The following DHX34 variants were observed in gnomAD, a reference collection of about 807,000 sequenced individuals.
DHX34 encodes DExH-box helicase 34.
Under a neutral mutation model 111.1 loss-of-function variants are expected in DHX34, and 96 were observed. That is an observed-to-expected ratio of 0.86 (90% CI 0.73 to 1.02). The LOEUF is 1.02. Ranked by LOEUF, DHX34 falls within the 50% of genes least tolerant of loss-of-function variation. The pLI is 0.00. For missense variants in DHX34, 1,560 were observed against 1,579.9 expected (o/e 0.99, Z 0.21); for synonymous variants, 688 against 670.4 (o/e 1.03, Z -0.41).
chr19:47,375,829 C>T, intron 10 of DHX34, 95 bp from the exon 11 acceptor site: 1 of 1,543,834 alleles, frequency 6.5e-7, no homozygotes, highest in Non-Finnish European at 8.7e-7. Flanking sequence ...ATGGACGGTG[C>T]TTGGTCCCAG....
chr19:47,360,673 TTGTTG>T lies in DHX34; in HGVS notation c.1375+605_1375+609del, dbSNP rs1363899010. Among the ~76,000 whole-genome samples, 1,178 of 147,904 alleles carry T rather than the reference TTGTTG, an allele frequency of 8.0e-3. 22 individuals carry two copies. The highest frequency in any genetic ancestry group is 0.027 in the African/African-American group (1,113 of 40,570). On this transcript the variant is annotated intron_variant, in intron 5 of 16. Coordinates refer to ENST00000328771, the MANE Select transcript of DHX34 (RefSeq NM_014681.6). ...ATGAGGGGGATTGACATTCTGTTTG[TTGTTG>T]TTGTTGTTGTTGTTGTTGTTGTTGT...
chr19:47,371,573 A>G (rs190719763), intron 7 of DHX34, among the ~76,000 whole-genome samples: 1 of 152,072 alleles, frequency 6.6e-6, no homozygotes, highest in East Asian at 1.9e-4. Context: ...CTTTACTGCC[A>G]CCTTTGTTTT....
rs147798915 is a variant in DHX34, at chr19:47,378,986, C to T, written c.2707-724C>T. Among the ~76,000 whole-genome samples the T allele has an allele frequency of 1.2e-3, 167 of 139,882 alleles. 1 individual carries two copies. The East Asian group carries it at 0.03, about 25-fold the overall frequency. The allele number at this position is 139,882 out of a possible 152,430, so 91.8% of individuals were successfully genotyped here. On this transcript the variant is annotated intron_variant, in intron 13 of 16. Coordinates refer to ENST00000328771, the MANE Select transcript of DHX34 (RefSeq NM_014681.6). ...CTCTACTAAAAATACAAAAATTAGC[C>T]GGGTGGGTGGCGCGTGCCTGTAATC... is the stretch of plus-strand genomic sequence containing the variant.
At chr19:47,350,798 T>G (rs1319613810) in intron 1 of DHX34, among the ~76,000 whole-genome samples, 1 of 151,280 alleles carries the variant, frequency 6.6e-6, no homozygotes, top group Non-Finnish European at 1.5e-5. Context: ...AAAGGAAGAG[T>G]TGGATTACAG....
At chr19:47,361,608 A>G (rs1055494235) in intron 5 of DHX34, among the ~76,000 whole-genome samples, 1 of 151,916 alleles carries the variant, frequency 6.6e-6, no homozygotes, top group Non-Finnish European at 1.5e-5. Context: ...GTGAAACCCC[A>G]TCTCTACTAA....
At chr19:47,376,928 C>A in intron 12 of DHX34, 172 bp from the exon 13 acceptor site, 1 of 1,536,848 alleles carries the variant, frequency 6.5e-7, no homozygotes, top group Non-Finnish European at 8.7e-7. Context: ...TGGCTGCGTG[C>A]TGGGAGTCAC....
At chr19:47,379,164 A>G (rs1438735324) in intron 13 of DHX34, among the ~76,000 whole-genome samples, 6 of 152,018 alleles carry the variant, frequency 3.9e-5, no homozygotes, top group Non-Finnish European at 8.8e-5. Context: ...AATAATAAGA[A>G]GAAGAAGATG....
Position 47,352,844 on chromosome 19 carries a change from G to T in DHX34, c.-187G>T. On this transcript the variant is annotated 5_prime_UTR_variant, in exon 2 of 17. Transcript: ENST00000328771. ...GGTACCCTTTGTGTCACCAGCTCAA[G>T]CAGGCCTCTGGCCACTTTATCATCT... is the stretch of plus-strand genomic sequence containing the variant. 2.4e-6 allele frequency: 3 copies of T among 1,250,848 alleles called. No individual in the cohort carries two copies. The African/African-American group carries it at 4.5e-5, about 19-fold the overall frequency. The allele number at this position is 1,250,848 out of a possible 1,614,324, so 77.5% of individuals were successfully genotyped here. A position where few individuals can be genotyped will look rare whatever the true frequency, so the allele number is the denominator to read the frequency against.
At chr19:47,379,318 T>C (rs1970274159) in intron 13 of DHX34, among the ~76,000 whole-genome samples, 1 of 151,638 alleles carries the variant, frequency 6.6e-6, no homozygotes, top group African/African-American at 2.4e-5. Context: ...CCCAACATCT[T>C]ATGAGCCACA....
intron 11 of DHX34, 132 bp downstream of exon 11, chr19:47,376,229 G>A: frequency 7.0e-7 from 1 of 1,436,118 alleles, no homozygotes; most frequent in Non-Finnish European, 9.2e-7. Flanking sequence ...CAACCCAGTG[G>A]GAGGACAGAC....
chr19:47,373,771 G>C lies in DHX34; in HGVS notation c.2064+71G>C, dbSNP rs973935315. ...GTGTGTAAGCACACTCCAGAACACT[G>C]CTTCCCCTTCCCAGACAGTGGTCAG... On this transcript the variant is annotated intron_variant, in intron 9 of 16. Coordinates refer to ENST00000328771, the MANE Select transcript of DHX34 (RefSeq NM_014681.6). 6 of 1,540,758 alleles carry C rather than the reference G, an allele frequency of 3.9e-6. No homozygotes were observed. The African/African-American group carries it at 6.8e-5, about 18-fold the overall frequency.
chr19:47,372,244 A>G (rs574054937), intron 7 of DHX34, among the ~76,000 whole-genome samples: 2 of 151,852 alleles, frequency 1.3e-5, no homozygotes, highest in South Asian at 4.2e-4. Context: ...GAGAAGATTC[A>G]TCCTGTGATA....
At chr19:47,376,901 G>T in intron 12 of DHX34, 199 bp from the exon 13 acceptor site, 1 of 1,534,882 alleles carries the variant, frequency 6.5e-7, no homozygotes, top group Non-Finnish European at 8.7e-7. Flanking sequence ...GCATGGAAGG[G>T]TGTCTCGCTG....
chr19:47,358,839 C>T (rs1001798716), intron 4 of DHX34, among the ~76,000 whole-genome samples: 1 of 152,202 alleles, frequency 6.6e-6, no homozygotes, highest in African/African-American at 2.4e-5. Context: ...TGGTCTCGAA[C>T]TCCTGACCTC....
At position 47,358,215 on chromosome 19, in the gene DHX34, C is replaced by G. The variant is rs948380034; in HGVS notation, c.1272+95C>G. ...TGTGTAACTCCACAAACACAGGGCT[C>G]GGGGGCTGTACTTGTGCAAAGTCGT... On this transcript the variant is annotated intron_variant, in intron 4 of 16. Transcript: ENST00000328771. 9 of 1,490,822 alleles carry G rather than the reference C, an allele frequency of 6.0e-6. No homozygotes were observed. In the African/African-American group the frequency reaches 9.7e-5, roughly 16 times the overall value. The allele number at this position is 1,490,822 out of a possible 1,614,324, so 92.3% of individuals were successfully genotyped here. A position where few individuals can be genotyped will look rare whatever the true frequency, so the allele number is the denominator to read the frequency against.
rs1171768316 is a variant in DHX34 at position 47,376,016 on chromosome 19, G to A, written c.2400G>A (p.Leu800=). Residue 800 remains leucine, a synonymous_variant, in exon 11 of 17, where the codon CTG becomes CTA. Coordinates refer to ENST00000328771, the MANE Select transcript of DHX34 (RefSeq NM_014681.6). The stretch of plus-strand genomic sequence containing the variant: ...TGAGCCGCGAGCAGCTGGCTCTGCT[G>A]AAGCTGGTGCTGGGCCGGGGCCTGT... ...QDLSREQLAL[L]KLVLGRGLYP... is the part of the protein sequence containing the mutation. 12 of 1,605,252 alleles carry A rather than the reference G, an allele frequency of 7.5e-6. No homozygotes were observed. The highest frequency in any genetic ancestry group is 1.0e-5 in the Non-Finnish European group (12 of 1,177,400).
chr19:47,350,805 A>G (rs1339133460), intron 1 of DHX34, among the ~76,000 whole-genome samples: 1 of 152,138 alleles, frequency 6.6e-6, no homozygotes, highest in African/African-American at 2.4e-5. Flanking sequence ...GAGTTGGATT[A>G]CAGAGAAAAA....
At chr19:47,377,037 G>A in intron 12 of DHX34, 63 bp from the exon 13 acceptor site, 2 of 1,610,374 alleles carry the variant, frequency 1.2e-6, no homozygotes, top group South Asian at 1.1e-5. Flanking sequence ...GGTGGGACAG[G>A]CGGGCTTCTG....
chr19:47,374,580 G>C (rs1329136673), intron 9 of DHX34, among the ~76,000 whole-genome samples: 1 of 152,066 alleles, frequency 6.6e-6, no homozygotes, highest in Non-Finnish European at 1.5e-5. Flanking sequence ...ATTGAGAATA[G>C]AATAAAAGGG....
Sources: allele counts gnomAD v4.1 joint callset (sites outside exome capture counted in the v4.1 genomes callset), GRCh38; gene constraint gnomAD v4.1.1; transcripts MANE v1.5; gene names NCBI Gene and HGNC (gene_info 2026-07-23, HGNC 2026-07-21).